Variants in CCDC85C observed in about 807,000 individuals in gnomAD.
The protein encoded by CCDC85C is coiled-coil domain containing 85C.
Under a neutral mutation model 38.3 loss-of-function variants are expected in CCDC85C, and 18 were observed. The ratio of observed to expected loss-of-function variants is 0.47; its 90% CI spans 0.33 to 0.70. CCDC85C has a LOEUF of 0.70. Ranked by LOEUF, CCDC85C falls within the 30% of genes least tolerant of loss-of-function variation. CCDC85C has a pLI of 0.03. For synonymous variants in CCDC85C, 264 were observed against 293.8 expected (o/e 0.90, Z 1.04); for missense variants, 566 against 621.2 (o/e 0.91, Z 0.94).
intron 1 of CCDC85C, among the ~76,000 whole-genome samples, chr14:99,575,654 G>A (rs898394213): frequency 3.3e-5 from 5 of 152,208 alleles, no homozygotes; most frequent in Middle Eastern, 3.2e-3. Context: ...TGCGCACAGC[G>A]GACCTGCATG....
At chr14:99,582,443 G>A (rs571385043) in intron 1 of CCDC85C, among the ~76,000 whole-genome samples, 1 of 152,264 alleles carries the variant, frequency 6.6e-6, no homozygotes, top group Non-Finnish European at 1.5e-5. Context: ...CGGATGTCTT[G>A]TCTATGGTCA....
At chr14:99,515,637 C>A (rs1256954913) in intron 5 of CCDC85C, among the ~76,000 whole-genome samples, 1 of 152,082 alleles carries the variant, frequency 6.6e-6, no homozygotes, top group Non-Finnish European at 1.5e-5. Context: ...CTCTCGCCCC[C>A]CCTTTAAGTC....
At chr14:99,566,441 G>C (rs543560524) in intron 1 of CCDC85C, among the ~76,000 whole-genome samples, 1 of 152,102 alleles carries the variant, frequency 6.6e-6, no homozygotes, top group African/African-American at 2.4e-5. Flanking sequence ...GCTCACAGCC[G>C]GGATCTTCAG....
intron 1 of CCDC85C, among the ~76,000 whole-genome samples, chr14:99,589,677 G>A (rs2055065006): frequency 6.6e-6 from 1 of 152,166 alleles, no homozygotes; most frequent in East Asian, 1.9e-4. Flanking sequence ...TGGCTGATGG[G>A]TTGCAGAGGC....
chr14:99,536,858 C>T (rs1897612168), intron 1 of CCDC85C, among the ~76,000 whole-genome samples: 1 of 152,292 alleles, frequency 6.6e-6, no homozygotes, highest in East Asian at 1.9e-4. Context: ...AAATCCCATC[C>T]CCACCCCCAC....
At chr14:99,528,625 G>A (rs1384857248) in intron 2 of CCDC85C, among the ~76,000 whole-genome samples, 2 of 152,216 alleles carry the variant, frequency 1.3e-5, no homozygotes, top group East Asian at 3.9e-4. Flanking sequence ...GGGTGCCCCG[G>A]CCTAGAGGCA....
chr14:99,555,346 G>A (rs542535147), intron 1 of CCDC85C, among the ~76,000 whole-genome samples: 8 of 152,156 alleles, frequency 5.3e-5, no homozygotes, highest in Non-Finnish European at 1.2e-4. Flanking sequence ...TGGGACTCTA[G>A]GGTGTCCGCC....
At chr14:99,573,810 C>T (rs1405253291) in intron 1 of CCDC85C, among the ~76,000 whole-genome samples, 1 of 152,212 alleles carries the variant, frequency 6.6e-6, no homozygotes, top group Non-Finnish European at 1.5e-5. Flanking sequence ...CACCCAATCC[C>T]TCTGCCCCTG....
chr14:99,586,099 G>T (rs747246965), intron 1 of CCDC85C, among the ~76,000 whole-genome samples: 21 of 152,224 alleles, frequency 1.4e-4, no homozygotes, highest in Non-Finnish European at 2.8e-4. Flanking sequence ...CCAAGGAGGG[G>T]GCACCTGGCC....
rs1897062572 is a variant in CCDC85C, at chr14:99,509,510, A to ACACGCAGCACGCACAGACATGCAACACG, written c.*5735_*5736insCGTGTTGCATGTCTGTGCGTGCTGCGTG. The ACACGCAGCACGCACAGACATGCAACACG allele has an allele frequency of 6.6e-6, 1 of 151,984 alleles. No homozygotes were observed. Among genetic ancestry groups the ACACGCAGCACGCACAGACATGCAACACG allele is most frequent in the African/African-American group, 2.5e-5 (1 of 40,460 alleles). 9.4% of individuals were successfully genotyped at this position (151,984 alleles called of 1,614,324 possible). ...CCTGCTGCACACGCAGCACGCACAC[A>ACACGCAGCACGCACAGACATGCAACACG]CACGCAGCACGCACAGACATGCAGC... On this transcript the variant is annotated 3_prime_UTR_variant, in exon 6 of 6. Transcript: ENST00000380243.
In CCDC85C at chr14:99,511,699, G is replaced by GCCAAGCCAGCCTGCCCC. The variant is rs1361019735; in HGVS notation, c.*3530_*3546dup. On this transcript the variant is annotated 3_prime_UTR_variant, in exon 6 of 6. Transcript: ENST00000380243. ...TCTGGGTGGATCCGCACAGCTGCCT[G>GCCAAGCCAGCCTGCCCC]CCAAGCCAGCCTGCCCCCATCCTGT... 1 of 152,550 alleles carries GCCAAGCCAGCCTGCCCC rather than the reference G, an allele frequency of 6.6e-6. No individual in the cohort carries two copies. The highest frequency in any genetic ancestry group is 1.5e-5 in the Non-Finnish European group (1 of 68,094). The allele number at this position is 152,550 out of a possible 1,614,324, so 9.4% of individuals were successfully genotyped here. A position where few individuals can be genotyped will look rare whatever the true frequency, so the allele number is the denominator to read the frequency against.
chr14:99,532,548 G>T (rs747993742), intron 2 of CCDC85C, among the ~76,000 whole-genome samples: 18 of 152,148 alleles, frequency 1.2e-4, no homozygotes, highest in African/African-American at 2.4e-5. Context: ...AGCAAACACA[G>T]GTCTGGGAGA....
chr14:99,557,188 C>T (rs1898028250), intron 1 of CCDC85C, among the ~76,000 whole-genome samples: 1 of 152,182 alleles, frequency 6.6e-6, no homozygotes, highest in African/African-American at 2.4e-5. Context: ...AACTGAGGCT[C>T]GCAGAGATGA....
rs1897291402 is a variant in CCDC85C, at chr14:99,520,639, C to CA, written c.975+1493dup. ...AGCCCTGATCATGGCCCCTGAACCT[C>CA]AGTTTATCACCCGGCCTCCTGGCCT... On this transcript the variant is annotated intron_variant, in intron 3 of 5. Transcript: ENST00000380243. This position sits in a 1 kb window ranked among gnomAD's most constrained non-coding sequence, Gnocchi z 4.1. 6.6e-6 allele frequency among the ~76,000 whole-genome samples: 1 copy of CA among 152,132 alleles called. No homozygotes were observed. The highest frequency in any genetic ancestry group is 1.5e-5 in the Non-Finnish European group (1 of 68,028).
Position 99,502,427 on chromosome 14 carries a change from T to G in CCDC85C, c.*12819A>C. ...TGAGGGTGTTCCATGTTGAGATGAT[T>G]CTTCCATGTGTACCCTGAGTCCCAA... On this transcript the variant is annotated 3_prime_UTR_variant, in exon 6 of 6. Transcript: ENST00000380243. 6.3e-7 allele frequency: 1 copy of G among 1,589,618 alleles called. No homozygotes were observed. Among genetic ancestry groups the G allele is most frequent in the Middle Eastern group, 1.7e-4 (1 of 5,894 alleles).
chr14:99,546,683 A>G (rs1411214635), intron 1 of CCDC85C, among the ~76,000 whole-genome samples: 1 of 152,102 alleles, frequency 6.6e-6, no homozygotes, highest in Non-Finnish European at 1.5e-5. Context: ...CCACGTGGAG[A>G]GGCAAGGTGG....
chr14:99,552,249 A>G lies in CCDC85C; in HGVS notation c.794-16161T>C, dbSNP rs369597110. Among the ~76,000 whole-genome samples the G allele has an allele frequency of 1.3e-4, 20 of 152,332 alleles. No individual in the cohort carries two copies. The South Asian group carries it at 4.1e-3, about 32-fold the overall frequency. ...GGAGGAGGTAGGCAGGACCTGGGCC[A>G]CACTGCTAGGGGTGCTGCAATCCTG... On this transcript the variant is annotated intron_variant, in intron 1 of 5. Transcript: ENST00000380243.
rs1236968103 is a variant in CCDC85C at position 99,558,403 on chromosome 14, G to A, written c.794-22315C>T. On this transcript the variant is annotated intron_variant, in intron 1 of 5. Transcript: ENST00000380243. The surrounding 1 kb of genome is among the most constrained non-coding windows in gnomAD (Gnocchi z 4.2). ...GTGGCCCTAAATCCAGTGACTGCAC[G>A]TGAGGTCAAGAGTTCCAAACCAGCC... Among the ~76,000 whole-genome samples, 7 of 152,152 alleles carry A rather than the reference G, an allele frequency of 4.6e-5. No homozygotes were observed. Among genetic ancestry groups the A allele is most frequent in the African/African-American group, 7.2e-5 (3 of 41,430 alleles).
At chr14:99,540,023 CT>C (rs1247360005) in intron 1 of CCDC85C, among the ~76,000 whole-genome samples, 2 of 152,072 alleles carry the variant, frequency 1.3e-5, no homozygotes, top group African/African-American at 4.8e-5. Flanking sequence ...TGGTGGGCAC[CT>C]GTAATCTCAG....
Sources: gnomAD v4.1 joint callset for allele counts (sites outside exome capture counted in the v4.1 genomes callset) on GRCh38, gnomAD v4.1.1 for gene constraint, Gnocchi (gnomAD v3.1) non-coding constraint, MANE v1.5 for transcripts, NCBI Gene and HGNC (gene_info 2026-07-23, HGNC 2026-07-21) for gene names.